Variants in NEBL observed in about 807,000 individuals in gnomAD.
NEBL encodes nebulette.
NEBL carries 122 observed loss-of-function variants against 140.2 expected under a neutral mutation model. The ratio of observed to expected loss-of-function variants is 0.87; its 90% CI spans 0.75 to 1.01. The LOEUF (loss-of-function observed/expected upper bound fraction) is 1.01. NEBL is among the 50% of genes least tolerant of loss of function. NEBL has a pLI of 0.00. For synonymous variants in NEBL, 436 were observed against 398.9 expected, an observed-to-expected ratio of 1.09 and a Z score of -1.11; for missense variants, 1,365 against 1,231.3, an observed-to-expected ratio of 1.11 and a Z score of -1.62.
chr10:20,842,007 G>A (rs760219312), intron 12 of NEBL, among the ~76,000 whole-genome samples: 21 of 152,068 alleles, frequency 1.4e-4, no homozygotes, highest in East Asian at 1.2e-3. Flanking sequence ...ACTTAATTGC[G>A]TATGAAAATC....
intron 3 of NEBL, among the ~76,000 whole-genome samples, chr10:20,973,966 T>C (rs779482018): frequency 6.6e-5 from 10 of 152,242 alleles, no homozygotes; most frequent in Non-Finnish European, 1.0e-4. Context: ...ACTTCTGCCC[T>C]TGGATTTTAT....
rs56013237 is a variant in NEBL, at chr10:21,076,444, C to CAA, written c.165-56245_165-56244dup. 2.4e-3 allele frequency among the ~76,000 whole-genome samples: 118 copies of CAA among 50,052 alleles called. 6 individuals are homozygous for CAA. The highest frequency in any genetic ancestry group is 3.2e-3 in the Non-Finnish European group (79 of 24,640). The allele number at this position is 50,052 out of a possible 152,430, so 32.8% of individuals were successfully genotyped here. A position where few individuals can be genotyped will look rare whatever the true frequency, so the allele number is the denominator to read the frequency against. ...TGGGCAACAGAGAGAGACTCAGTTTCAAAAAAAAAAAAAAAAAAAAAAAAA... is the reference window on the plus strand; with the variant it reads ...TGGGCAACAGAGAGAGACTCAGTTTCAAAAAAAAAAAAAAAAAAAAAAAAAAA... On this transcript the variant is annotated intron_variant, in intron 2 of 6. Coordinates refer to the NEBL transcript ENST00000417816.
intron 3 of NEBL, among the ~76,000 whole-genome samples, chr10:20,970,714 T>A (rs1368367868): frequency 6.6e-6 from 1 of 152,140 alleles, no homozygotes; most frequent in Non-Finnish European, 1.5e-5. Context: ...ACATATATCA[T>A]CTTCAGATAA....
intron 2 of NEBL, among the ~76,000 whole-genome samples, chr10:21,111,210 C>T (rs1456790432): frequency 1.3e-5 from 2 of 152,260 alleles, no homozygotes; most frequent in Non-Finnish European, 1.5e-5. Flanking sequence ...AGCAAGCTAT[C>T]ACTGACTTTC....
intron 3 of NEBL, among the ~76,000 whole-genome samples, chr10:21,003,942 C>T (rs892304648): frequency 2.0e-5 from 3 of 152,080 alleles, no homozygotes; most frequent in Non-Finnish European, 4.4e-5. Flanking sequence ...TATAAACAAA[C>T]CAAAAGTCGT....
rs561879914 is a variant in NEBL at position 21,105,521 on chromosome 10, C to A, written c.164+66862G>T. Among the ~76,000 whole-genome samples, 3 of 152,190 alleles carry A rather than the reference C, an allele frequency of 2.0e-5. 1 individual carries two copies. In the South Asian group the frequency reaches 6.2e-4, roughly 32 times the overall value. ...TCCCTGCAAAGGACATGAACTCATC[C>A]TTTTTTATGGCTGTATAGTATTCCG... On this transcript the variant is annotated intron_variant, in intron 2 of 6. Transcript: ENST00000417816.
At chr10:21,274,884 G>C (rs1251736378) in intron 1 of NEBL, among the ~76,000 whole-genome samples, 2 of 151,862 alleles carry the variant, frequency 1.3e-5, no homozygotes, top group African/African-American at 2.4e-5. Context: ...TCATTGAGTG[G>C]AAGTGGATCA....
At chr10:21,107,156 T>C (rs1332927095) in intron 2 of NEBL, among the ~76,000 whole-genome samples, 1 of 152,220 alleles carries the variant, frequency 6.6e-6, no homozygotes, top group Non-Finnish European at 1.5e-5. Flanking sequence ...CCTCTTTTCC[T>C]AATTGAATAC....
intron 22 of NEBL, 26 bp from the exon 23 acceptor site, chr10:20,814,069 A>G: frequency 7.3e-7 from 1 of 1,372,744 alleles, no homozygotes; most frequent in Non-Finnish European, 1.0e-6. Flanking sequence ...TAGGCATAAG[A>G]CAATGATAAG....
chr10:21,142,545 A>G (rs1008607643), intron 2 of NEBL, among the ~76,000 whole-genome samples: 1 of 152,242 alleles, frequency 6.6e-6, no homozygotes, highest in African/African-American at 2.4e-5. Context: ...ATGAAAAATC[A>G]AAATGAGCAT....
At chr10:21,125,511 G>A (rs1838782833) in intron 2 of NEBL, among the ~76,000 whole-genome samples, 1 of 152,088 alleles carries the variant, frequency 6.6e-6, no homozygotes, top group Non-Finnish European at 1.5e-5. Context: ...CTTTTTTCCT[G>A]CTAAATAAAG....
chr10:20,932,238 C>G (rs1834226912), intron 4 of NEBL, among the ~76,000 whole-genome samples: 1 of 152,158 alleles, frequency 6.6e-6, no homozygotes, highest in Non-Finnish European at 1.5e-5. Flanking sequence ...ACTATGCAGC[C>G]TTAAAAAAGA....
intron 2 of NEBL, among the ~76,000 whole-genome samples, chr10:21,111,566 C>T (rs954050173): frequency 6.6e-6 from 1 of 151,398 alleles, no homozygotes; most frequent in Non-Finnish European, 1.5e-5. Context: ...GGATCCCTTC[C>T]TTACACCATA....
At chr10:21,239,972 C>T (rs777623927) in intron 3 of NEBL, among the ~76,000 whole-genome samples, 29 of 151,252 alleles carry the variant, frequency 1.9e-4, no homozygotes, top group Non-Finnish European at 3.5e-4. Context: ...GCCGAGATTG[C>T]GCCACTGCAC....
intron 2 of NEBL, among the ~76,000 whole-genome samples, chr10:21,112,524 G>A (rs923195359): frequency 4.0e-5 from 6 of 150,556 alleles, no homozygotes; most frequent in Non-Finnish European, 7.4e-5. Flanking sequence ...TCACTCATAG[G>A]TGGGAACTGA....
At chr10:20,793,659 T>C (rs186326621) in intron 26 of NEBL, among the ~76,000 whole-genome samples, 6 of 151,788 alleles carry the variant, frequency 4.0e-5, no homozygotes, top group Admixed American at 2.6e-4. Flanking sequence ...GCTCAAGCGA[T>C]CCTCCCACCA....
chr10:21,196,128 T>A (rs1352103531), intron 3 of NEBL, among the ~76,000 whole-genome samples: 6 of 148,604 alleles, frequency 4.0e-5, no homozygotes, highest in Admixed American at 4.0e-4. Flanking sequence ...CTCAGCCTCC[T>A]GAGTAGCTGG....
chr10:20,889,608 A>G (rs374421663), intron 3 of NEBL, among the ~76,000 whole-genome samples: 45 of 152,320 alleles, frequency 3.0e-4, no homozygotes, highest in East Asian at 9.6e-4. Flanking sequence ...TAAATAAGAA[A>G]GATTTAGAGT....
chr10:20,864,546 G>A (rs1252743545), intron 7 of NEBL, among the ~76,000 whole-genome samples: 1 of 152,130 alleles, frequency 6.6e-6, no homozygotes, highest in East Asian at 1.9e-4. Context: ...CCTTTCATCA[G>A]ACAGGTCTTA....
Sources: allele counts gnomAD v4.1 joint callset (sites outside exome capture counted in the v4.1 genomes callset), GRCh38; gene constraint gnomAD v4.1.1; transcripts MANE v1.5; gene names NCBI Gene and HGNC (gene_info 2026-07-23, HGNC 2026-07-21).